The following BCR variants were observed in gnomAD, a reference collection of about 807,000 sequenced individuals.
BCR encodes BCR activator of RhoGEF and GTPase.
BCR carries 58 observed loss-of-function variants against 138.6 expected under a neutral mutation model. That is an observed-to-expected ratio of 0.42 (90% CI 0.34 to 0.52). BCR has a LOEUF of 0.52. Among genes scored for constraint, BCR ranks in the 20% least tolerant of loss-of-function variants. The pLI, the probability that BCR is intolerant of heterozygous loss-of-function variation, is 0.06. For missense variants in BCR, 1,599 were observed against 1,727.2 expected (o/e 0.93, Z 1.32); for synonymous variants, 786 against 730.1 (o/e 1.08, Z -1.23).
intron 1 of BCR, among the ~76,000 whole-genome samples, chr22:23,252,624 G>GA (rs1555879594): frequency 3.3e-5 from 5 of 151,750 alleles, no homozygotes; most frequent in Non-Finnish European, 5.9e-5. Context: ...TAGAGATGGG[G>GA]TTCACCATAT....
chr22:23,239,328 G>C (rs1937887746), intron 1 of BCR, among the ~76,000 whole-genome samples: 1 of 152,204 alleles, frequency 6.6e-6, no homozygotes, highest in Non-Finnish European at 1.5e-5. Context: ...GCTCTGGTCT[G>C]TTCTCTAGCA....
intron 1 of BCR, among the ~76,000 whole-genome samples, chr22:23,207,712 AAG>A (rs1719199180): frequency 1.3e-5 from 2 of 152,320 alleles, no homozygotes; most frequent in South Asian, 4.1e-4. Context: ...AAAGGAATGA[AAG>A]AGCCTAACAG....
At chr22:23,296,204 C>T (rs1354295226) in intron 16 of BCR, among the ~76,000 whole-genome samples, 2 of 151,848 alleles carry the variant, frequency 1.3e-5, no homozygotes, top group East Asian at 1.9e-4. Context: ...GAAACCCCGT[C>T]TCTACTAAAA....
chr22:23,194,707 C>G (rs768043150), intron 1 of BCR, among the ~76,000 whole-genome samples: 1 of 152,064 alleles, frequency 6.6e-6, no homozygotes, highest in Non-Finnish European at 1.5e-5. Flanking sequence ...CCACTGTGCC[C>G]GGCCGGGTGG....
chr22:23,284,099 G>A lies in BCR; in HGVS notation c.2237+1G>A. ...CCAAGCTCAAGAAGCAGAGCGGAGG[G>A]TGAGTGACGATGTGGCCCCTGTCCC... On this transcript the variant is annotated splice_donor_variant, in intron 9 of 22. Coordinates refer to ENST00000305877, the MANE Select transcript of BCR (RefSeq NM_004327.4). LOFTEE classifies it high-confidence loss of function. The A allele has an allele frequency of 6.2e-7, 1 of 1,612,536 alleles. No individual in the cohort carries two copies.
rs1298407381 is a variant in BCR, at chr22:23,313,314, G to C, written c.3457+293G>C. On this transcript the variant is annotated intron_variant, in intron 20 of 22. Transcript: ENST00000305877. ...CTGCTGTCCTCCTTCCTGCAGACCAGGGCTGAAGGAGGGTGCCTGGGTGCT... is the reference window on the plus strand; with the variant it reads ...CTGCTGTCCTCCTTCCTGCAGACCACGGCTGAAGGAGGGTGCCTGGGTGCT... Among the ~76,000 whole-genome samples the C allele has an allele frequency of 3.3e-5, 5 of 152,354 alleles. No individual in the cohort carries two copies. In the East Asian group the frequency reaches 9.6e-4, roughly 29 times the overall value.
intron 1 of BCR, among the ~76,000 whole-genome samples, chr22:23,226,327 A>AGAGT (rs1555876777): frequency 3.3e-4 from 15 of 46,072 alleles, no homozygotes; most frequent in South Asian, 7.1e-4. Flanking sequence ...AGAGAGAGAG[A>AGAGT]GTGTGTGTGT....
At position 23,201,745 on chromosome 22, in the gene BCR, G is replaced by A. The variant is rs139292460; in HGVS notation, c.1279+19506G>A. Among the ~76,000 whole-genome samples the A allele has an allele frequency of 1.3e-3, 203 of 152,238 alleles. 2 individuals are homozygous for A. Among genetic ancestry groups the A allele is most frequent in the African/African-American group, 4.5e-3 (187 of 41,536 alleles). ...GCTGGGATTACAGGTGTGAGCCACC[G>A]CGCCCGGCCAAGTCTGGGTTTTTTG... On this transcript the variant is annotated intron_variant, in intron 1 of 22. Transcript: ENST00000305877.
intron 1 of BCR, among the ~76,000 whole-genome samples, chr22:23,246,778 C>T (rs572397746): frequency 4.1e-4 from 63 of 152,156 alleles, no homozygotes; most frequent in Non-Finnish European, 8.4e-4. Context: ...TTTTTTTGCC[C>T]ACTACTTCAA....
intron 1 of BCR, 117 bp downstream of exon 1, chr22:23,182,356 G>C (rs1208427881): frequency 3.2e-6 from 4 of 1,236,540 alleles, no homozygotes; most frequent in South Asian, 3.2e-5. Flanking sequence ...GAGTGTATCA[G>C]GTGCACTTGT....
At chr22:23,284,337 C>T (rs974155992) in intron 9 of BCR, among the ~76,000 whole-genome samples, 3 of 152,104 alleles carry the variant, frequency 2.0e-5, no homozygotes, top group African/African-American at 7.2e-5. Flanking sequence ...TGGCTTCCGG[C>T]ACTATTGCAG....
intron 8 of BCR, among the ~76,000 whole-genome samples, chr22:23,278,060 T>C (rs1043083709): frequency 6.6e-6 from 1 of 152,232 alleles, no homozygotes; most frequent in African/African-American, 2.4e-5. Context: ...CTCATTTGTT[T>C]AGGTGAATTA....
At chr22:23,264,516 C>T (rs2073414561) in intron 4 of BCR, 1 of 538,370 alleles carries the variant, frequency 1.9e-6, no homozygotes, top group Non-Finnish European at 3.3e-6. Flanking sequence ...GCTTCTGACT[C>T]CTGGAGCTTT....
Position 23,258,808 on chromosome 22 carries a change from G to A in BCR, c.1462-2142G>A, listed in dbSNP as rs777240937. Among the ~76,000 whole-genome samples the A allele has an allele frequency of 5.3e-5, 8 of 152,324 alleles. No individual in the cohort carries two copies. The South Asian group carries it at 6.2e-4, about 12-fold the overall frequency. On this transcript the variant is annotated intron_variant, in intron 2 of 22. Coordinates refer to ENST00000305877, the MANE Select transcript of BCR (RefSeq NM_004327.4). Reference sequence around the variant, plus strand: ...AGCGGGGCCAACGAGAAGCCTGCCCGCAGCCAGTGATTTTCCCCGAAAGTG... The same window carrying A: ...AGCGGGGCCAACGAGAAGCCTGCCCACAGCCAGTGATTTTCCCCGAAAGTG...
chr22:23,279,431 A>G (rs1412717615), intron 8 of BCR, among the ~76,000 whole-genome samples: 1 of 152,222 alleles, frequency 6.6e-6, no homozygotes, highest in Non-Finnish European at 1.5e-5. Context: ...TCCCACTGCC[A>G]AACCTCTGGA....
chr22:23,283,982 G>A lies in BCR; in HGVS notation c.2121G>A (p.Arg707=). The A allele has an allele frequency of 6.3e-7, 1 of 1,595,642 alleles. No individual in the cohort carries two copies. The highest frequency in any genetic ancestry group is 8.5e-7 in the Non-Finnish European group (1 of 1,171,142). Residue 707 remains arginine, a synonymous_variant, in exon 9 of 23, where the codon CGG becomes CGA. Coordinates refer to ENST00000305877, the MANE Select transcript of BCR (RefSeq NM_004327.4). ...AGCCTTCCCTGTGCCTGCAGCACCG[G>A]CAGCTGCTGAAGGACAGCTTCATGG... ...QSMTVKKGEH[R]QLLKDSFMVE...
intron 1 of BCR, among the ~76,000 whole-genome samples, chr22:23,221,963 C>T (rs950602508): frequency 1.3e-4 from 19 of 151,256 alleles, no homozygotes; most frequent in African/African-American, 3.4e-4. Context: ...TGGTGGCAGG[C>T]GCCTGTAATT....
Position 23,180,921 on chromosome 22 carries a change from C to A in BCR, c.-40C>A. On this transcript the variant is annotated 5_prime_UTR_variant, in exon 1 of 23. Coordinates refer to ENST00000305877, the MANE Select transcript of BCR (RefSeq NM_004327.4). ...CGCCGCGCCGCCGCTGAGACGGGCC[C>A]CGCGCGCAGCCCGGCGGCGCAGGTA... 1.8e-6 allele frequency: 2 copies of A among 1,091,872 alleles called. No individual in the cohort carries two copies. Among genetic ancestry groups the A allele is most frequent in the South Asian group, 8.3e-5 (2 of 24,112 alleles). 67.6% of individuals were successfully genotyped at this position (1,091,872 alleles called of 1,614,324 possible).
At chr22:23,232,499 G>C (rs564131893) in intron 1 of BCR, among the ~76,000 whole-genome samples, 2 of 152,242 alleles carry the variant, frequency 1.3e-5, no homozygotes, top group South Asian at 4.1e-4. Flanking sequence ...CTTTGGGAGT[G>C]GGGGGTGCAC....
Sources: allele counts gnomAD v4.1 joint callset (sites outside exome capture counted in the v4.1 genomes callset), GRCh38; gene constraint gnomAD v4.1.1; transcripts MANE v1.5; gene names NCBI Gene and HGNC (gene_info 2026-07-23, HGNC 2026-07-21).